Variants in C5orf24 observed in about 807,000 individuals in gnomAD.
The protein encoded by C5orf24 is chromosome 5 open reading frame 24, also known as UPF0461 protein C5orf24.
In C5orf24, 4 loss-of-function variants were observed where a neutral mutation model predicts 9.8. The ratio of observed to expected loss-of-function variants is 0.41; its 90% CI spans 0.20 to 0.93. The LOEUF is 0.93. Among genes scored for constraint, C5orf24 ranks in the 40% least tolerant of loss-of-function variants. C5orf24 has a pLI of 0.33. For synonymous variants in C5orf24, 73 were observed against 81.3 expected (o/e 0.90, Z 0.55); for missense variants, 170 against 236.9 (o/e 0.72, Z 1.85).
chr5:134,837,443 T>C, the C5orf24 span, among the ~76,000 whole-genome samples: 27 of 152,208 alleles, frequency 1.8e-4, no homozygotes, highest in Admixed American at 1.6e-3. Context: ...ACTATTATTA[T>C]AATGGGTGAA....
chr5:134,851,767 T>G (rs975221250), intron 1 of C5orf24, among the ~76,000 whole-genome samples: 4 of 152,196 alleles, frequency 2.6e-5, no homozygotes, highest in African/African-American at 9.7e-5. Flanking sequence ...CTTATAGGCT[T>G]GTACTGAGGA....
chr5:134,834,760 T>C, the C5orf24 span, among the ~76,000 whole-genome samples: 7 of 151,716 alleles, frequency 4.6e-5, no homozygotes, highest in Non-Finnish European at 8.8e-5. Context: ...CTATCAAAAC[T>C]ACAAGGCCAG....
At chr5:134,850,937 T>TACAC (rs1554159307) in intron 1 of C5orf24, among the ~76,000 whole-genome samples, 12 of 147,052 alleles carry the variant, frequency 8.2e-5, no homozygotes, top group East Asian at 5.9e-4. Context: ...TATATATATA[T>TACAC]ACACACACAC....
At position 134,848,205 on chromosome 5, in the gene C5orf24, G is replaced by A. The variant is rs1365062607; in HGVS notation, c.-4+1993G>A. On this transcript the variant is annotated intron_variant, in intron 1 of 1. Transcript: ENST00000394976. ...TGGCGCCTGTAGTCCCAGCTACTCG[G>A]GAAGCTGAGGCAGGAGAATGGCGAG... 1.9e-4 allele frequency among the ~76,000 whole-genome samples: 29 copies of A among 152,084 alleles called. 1 individual carries two copies. The highest frequency in any genetic ancestry group is 1.9e-3 in the Admixed American group (29 of 15,266).
At chr5:134,851,472 GA>G (rs1756159292) in intron 1 of C5orf24, among the ~76,000 whole-genome samples, 1 of 146,282 alleles carries the variant, frequency 6.8e-6, no homozygotes, top group Admixed American at 7.1e-5. Flanking sequence ...AATGTCTGGA[GA>G]AATTTTTCAT....
intron 1 of C5orf24, among the ~76,000 whole-genome samples, chr5:134,847,651 A>G (rs1024438472): frequency 2.0e-5 from 3 of 151,558 alleles, no homozygotes; most frequent in Admixed American, 1.3e-4. Flanking sequence ...AACCTGTTCT[A>G]TAACTCTTGG....
chr5:134,850,407 A>G (rs1373971753), intron 1 of C5orf24, among the ~76,000 whole-genome samples: 1 of 151,746 alleles, frequency 6.6e-6, no homozygotes, highest in Non-Finnish European at 1.5e-5. Context: ...TTGGCCTCCC[A>G]AAGTGCTGGG....
the C5orf24 span, among the ~76,000 whole-genome samples, chr5:134,838,991 T>A: frequency 6.6e-6 from 1 of 152,040 alleles, no homozygotes; most frequent in Non-Finnish European, 1.5e-5. Flanking sequence ...GGAGGATCAC[T>A]TGAGCCCAGG....
chr5:134,857,139 A>T lies in C5orf24; in HGVS notation c.*1672A>T. 1 of 1,296,114 alleles carries T rather than the reference A, an allele frequency of 7.7e-7. No homozygotes were observed. Among genetic ancestry groups the T allele is most frequent in the Non-Finnish European group, 9.9e-7 (1 of 1,009,484 alleles). 80.3% of individuals were successfully genotyped at this position (1,296,114 alleles called of 1,614,324 possible). On this transcript the variant is annotated 3_prime_UTR_variant, in exon 2 of 2. Coordinates refer to ENST00000394976, the MANE Select transcript of C5orf24 (RefSeq NM_001135586.1). ...TTGAGTTTGTTCTAAATAAAATATTATAAACTTCAGACTTGAAAAAATTCC... is the reference window on the plus strand; with the variant it reads ...TTGAGTTTGTTCTAAATAAAATATTTTAAACTTCAGACTTGAAAAAATTCC...
upstream of C5orf24, chr5:134,845,822 G>A (rs1021415531): frequency 1.3e-5 from 2 of 152,288 alleles, no homozygotes; most frequent in African/African-American, 4.8e-5. Context: ...CAGCAGCTCA[G>A]GCTTAAGGCC....
At position 134,857,294 on chromosome 5, in the gene C5orf24, G is replaced by T; in HGVS notation, c.*1827G>T. 1 of 1,482,838 alleles carries T rather than the reference G, an allele frequency of 6.7e-7. No homozygotes were observed. Among genetic ancestry groups the T allele is most frequent in the South Asian group, 1.4e-5 (1 of 73,280 alleles). The allele number at this position is 1,482,838 out of a possible 1,614,324, so 91.9% of individuals were successfully genotyped here. ...AAAAGAGCACATGTTGTGTTTTTTGGGCTTGCTATTAATGCAAACTCTGAT... is the reference window on the plus strand; with the variant it reads ...AAAAGAGCACATGTTGTGTTTTTTGTGCTTGCTATTAATGCAAACTCTGAT... On this transcript the variant is annotated 3_prime_UTR_variant, in exon 2 of 2. Transcript: ENST00000394976.
Position 134,855,644 on chromosome 5 carries a change from G to T in C5orf24, c.*177G>T. ...CCATATGCTGACAGATGCACTCAGG[G>T]CATGAGCAGCGGCATTGTATTTGTA... On this transcript the variant is annotated 3_prime_UTR_variant, in exon 2 of 2. Coordinates refer to ENST00000394976, the MANE Select transcript of C5orf24 (RefSeq NM_001135586.1). 2 of 1,462,480 alleles carry T rather than the reference G, an allele frequency of 1.4e-6. No individual in the cohort carries two copies. The highest frequency in any genetic ancestry group is 1.4e-5 in the African/African-American group (1 of 69,902). The allele number at this position is 1,462,480 out of a possible 1,614,324, so 90.6% of individuals were successfully genotyped here. A position where few individuals can be genotyped will look rare whatever the true frequency, so the allele number is the denominator to read the frequency against.
intron 1 of C5orf24, among the ~76,000 whole-genome samples, chr5:134,852,004 G>A (rs1379304686): frequency 3.3e-5 from 5 of 152,202 alleles, no homozygotes; most frequent in African/African-American, 7.2e-5. Flanking sequence ...GCAGTGGCAC[G>A]ATCTCAGCTC....
chr5:134,848,155 C>G (rs929988171), intron 1 of C5orf24, among the ~76,000 whole-genome samples: 2 of 149,924 alleles, frequency 1.3e-5, no homozygotes, highest in Admixed American at 1.3e-4. Flanking sequence ...ACTAAAAATA[C>G]GAAAAATTAG....
chr5:134,839,494 A>G, the C5orf24 span, among the ~76,000 whole-genome samples: 1 of 152,138 alleles, frequency 6.6e-6, no homozygotes, highest in Non-Finnish European at 1.5e-5. Context: ...AACAATAAAT[A>G]CTATATAGAA....
chr5:134,843,686 A>C (rs1755933076), upstream of C5orf24, among the ~76,000 whole-genome samples: 2 of 152,194 alleles, frequency 1.3e-5, no homozygotes, highest in African/African-American at 4.8e-5. Flanking sequence ...CCTCCCGAGT[A>C]ACTGGGATTT....
At chr5:134,853,018 C>T (rs1304625016) in intron 1 of C5orf24, among the ~76,000 whole-genome samples, 2 of 151,866 alleles carry the variant, frequency 1.3e-5, no homozygotes, top group Admixed American at 6.6e-5. Flanking sequence ...ACAAAATATT[C>T]GCCGGGCGTG....
the C5orf24 span, among the ~76,000 whole-genome samples, chr5:134,837,508 C>G: frequency 6.6e-6 from 1 of 152,058 alleles, no homozygotes; most frequent in African/African-American, 2.4e-5. Context: ...GTACCCTCCC[C>G]CTACCCCCAA....
In C5orf24 at chr5:134,854,976, A is replaced by T; in HGVS notation, c.76A>T (p.Met26Leu). ...GKPSCLNEDAMRAADQFDIYS... is the reference protein window; with the variant it reads ...GKPSCLNEDALRAADQFDIYS... Reference sequence around the variant, plus strand: ...GCCTTCCTGCCTCAATGAAGATGCCATGAGAGCTGCTGATCAGTTTGACAT... The same window carrying T: ...GCCTTCCTGCCTCAATGAAGATGCCTTGAGAGCTGCTGATCAGTTTGACAT... Residue 26 changes from methionine (M) to leucine (L), a missense_variant, in exon 2 of 2, where the codon ATG (methionine) becomes TTG (leucine). Around this residue, in one of 3 missense-constraint regions of C5orf24, gnomAD observed 93 missense variants for 104.5 expected, o/e 0.89. Coordinates refer to ENST00000394976, the MANE Select transcript of C5orf24 (RefSeq NM_001135586.1). 1 of 1,614,172 alleles carries T rather than the reference A, an allele frequency of 6.2e-7. No homozygotes were observed. The highest frequency in any genetic ancestry group is 1.1e-5 in the South Asian group (1 of 91,082).
Sources: gnomAD v4.1 joint callset for allele counts (sites outside exome capture counted in the v4.1 genomes callset) on GRCh38, gnomAD v4.1.1 for gene constraint, gnomAD v4.1.1 regional missense constraint, MANE v1.5 for transcripts, NCBI Gene and HGNC (gene_info 2026-07-23, HGNC 2026-07-21) for gene names.